The following CNTNAP5 variants were observed in gnomAD, a reference collection of about 807,000 sequenced individuals.
The protein encoded by CNTNAP5 is contactin associated protein family member 5, also known as contactin-associated protein-like 5.
A neutral mutation model predicts 150.2 loss-of-function variants in CNTNAP5; 72 were observed. The ratio of observed to expected loss-of-function variants is 0.48; its 90% CI spans 0.40 to 0.58. The LOEUF (loss-of-function observed/expected upper bound fraction) is 0.58, where lower values mean the gene tolerates loss of function less well. Among genes scored for constraint, CNTNAP5 ranks in the 20% least tolerant of loss-of-function variants. The pLI, the probability that CNTNAP5 is intolerant of heterozygous loss-of-function variation, is 0.00. For synonymous variants in CNTNAP5, 672 were observed against 619.8 expected, an observed-to-expected ratio of 1.08 and a Z score of -1.25; for missense variants, 1,636 against 1,626.2, an observed-to-expected ratio of 1.01 and a Z score of -0.10.
chr2:124,892,838 T>C (rs1678224965), intron 21 of CNTNAP5, among the ~76,000 whole-genome samples: 1 of 152,114 alleles, frequency 6.6e-6, no homozygotes, highest in African/African-American at 2.4e-5. Flanking sequence ...CCCAGAAATA[T>C]GTTTTTTCTT....
At chr2:124,098,134 G>A (rs968980968) in intron 1 of CNTNAP5, among the ~76,000 whole-genome samples, 7 of 152,190 alleles carry the variant, frequency 4.6e-5, no homozygotes, top group East Asian at 1.9e-4. Flanking sequence ...CAGTGATCAC[G>A]TAAACAGTTG....
At chr2:124,694,875 A>G (rs1679372402) in intron 13 of CNTNAP5, among the ~76,000 whole-genome samples, 1 of 152,180 alleles carries the variant, frequency 6.6e-6, no homozygotes, top group Admixed American at 6.6e-5. Flanking sequence ...ATCAGTGAGT[A>G]AGACAAAAGT....
At position 124,660,774 on chromosome 2, in the gene CNTNAP5, A is replaced by G. The variant is rs746160973; in HGVS notation, c.2077+12816A>G. 8.1e-4 allele frequency among the ~76,000 whole-genome samples: 123 copies of G among 151,812 alleles called. 3 individuals are homozygous for G. Among genetic ancestry groups the G allele is most frequent in the Non-Finnish European group, 3.2e-4 (22 of 67,946 alleles). ...AATATGAAACAGGAATAGTAAAAATACAAGACAAAAGATACAAAAATGAGC... is the reference window on the plus strand; with the variant it reads ...AATATGAAACAGGAATAGTAAAAATGCAAGACAAAAGATACAAAAATGAGC... On this transcript the variant is annotated intron_variant, in intron 13 of 23. Transcript: ENST00000682447.
chr2:124,785,083 A>T (rs563607031), intron 17 of CNTNAP5, among the ~76,000 whole-genome samples: 162 of 151,996 alleles, frequency 1.1e-3, no homozygotes, highest in Admixed American at 5.9e-3. Context: ...AAGAAAAAAA[A>T]CCCTTAAGCA....
intron 3 of CNTNAP5, among the ~76,000 whole-genome samples, chr2:124,298,230 G>T: frequency 6.6e-6 from 1 of 152,188 alleles, no homozygotes; most frequent in African/African-American, 2.4e-5. Flanking sequence ...TGTCATGGAG[G>T]TTTGTTATAC....
intron 20 of CNTNAP5, among the ~76,000 whole-genome samples, chr2:124,866,888 C>T (rs1290569168): frequency 6.6e-6 from 1 of 152,192 alleles, no homozygotes; most frequent in Non-Finnish European, 1.5e-5. Flanking sequence ...TTTGTCTTAA[C>T]TCTGAGCAGA....
intron 1 of CNTNAP5, among the ~76,000 whole-genome samples, chr2:124,182,349 T>A (rs11682281): frequency 0.23 from 34,384 of 152,056 alleles, 4,153 homozygotes; most frequent in African/African-American, 0.3. Context: ...GCTAGGTGAA[T>A]TTACAAACAG....
intron 3 of CNTNAP5, among the ~76,000 whole-genome samples, chr2:124,247,046 A>G (rs1241068423): frequency 1.3e-5 from 2 of 152,096 alleles, no homozygotes; most frequent in African/African-American, 4.8e-5. Flanking sequence ...ACAGAGGTCA[A>G]TTCAAGCAAT....
intron 11 of CNTNAP5, among the ~76,000 whole-genome samples, chr2:124,577,792 A>T (rs1696321312): frequency 6.6e-6 from 1 of 152,296 alleles, no homozygotes; most frequent in African/African-American, 2.4e-5. Context: ...CATACATGGG[A>T]TCTGCACAGA....
Position 124,789,954 on chromosome 2 carries a change from C to G in CNTNAP5, c.2805C>G (p.His935Gln), listed in dbSNP as rs1681687381. The G allele has an allele frequency of 6.2e-7, 1 of 1,613,916 alleles. No homozygotes were observed. The highest frequency in any genetic ancestry group is 8.5e-7 in the Non-Finnish European group (1 of 1,179,814). The stretch of plus-strand genomic sequence containing the variant: ...TCCTAGGATGCATTCGCTCCTTACA[C>G]TTGAATGGACAGAAAATGGACCTGG... ...KGFLGCIRSLHLNGQKMDLEE... is the reference protein window; with the variant it reads ...KGFLGCIRSLQLNGQKMDLEE... Residue 935 changes from histidine to glutamine, a missense_variant, in exon 18 of 24, where the codon CAC becomes CAG. His to Gln is a conservative substitution (Grantham distance 24). Coordinates refer to ENST00000682447, the MANE Select transcript of CNTNAP5 (RefSeq NM_001367498.1).
chr2:124,556,385 A>C (rs1458463706), intron 10 of CNTNAP5, among the ~76,000 whole-genome samples: 1 of 152,204 alleles, frequency 6.6e-6, no homozygotes, highest in Non-Finnish European at 1.5e-5. Context: ...TAAAGAAGCC[A>C]AGATCAAAAT....
chr2:124,128,166 C>T (rs1346508683), intron 1 of CNTNAP5, among the ~76,000 whole-genome samples: 2 of 152,102 alleles, frequency 1.3e-5, no homozygotes, highest in African/African-American at 4.8e-5. Context: ...ACCCATCTGA[C>T]AAAGGACTAG....
intron 18 of CNTNAP5, among the ~76,000 whole-genome samples, chr2:124,794,615 T>C (rs957154429): frequency 1.3e-5 from 2 of 152,214 alleles, no homozygotes; most frequent in African/African-American, 4.8e-5. Context: ...TTAATACTTA[T>C]ATTCATTTTA....
chr2:124,197,348 A>G (rs1558796892), intron 1 of CNTNAP5, among the ~76,000 whole-genome samples: 2 of 152,244 alleles, frequency 1.3e-5, no homozygotes, highest in Admixed American at 6.5e-5. Flanking sequence ...TAAACTTCAT[A>G]TAAATAAATT....
intron 1 of CNTNAP5, among the ~76,000 whole-genome samples, chr2:124,166,748 A>G (rs1032729408): frequency 3.3e-5 from 5 of 152,174 alleles, no homozygotes; most frequent in African/African-American, 1.2e-4. Flanking sequence ...ATTAGGCTTT[A>G]TGATTAGAAC....
At chr2:124,395,958 A>G (rs939697682) in intron 3 of CNTNAP5, among the ~76,000 whole-genome samples, 5 of 152,204 alleles carry the variant, frequency 3.3e-5, no homozygotes, top group African/African-American at 1.2e-4. Flanking sequence ...CCCAGAGTCC[A>G]TCATCAACAC....
At chr2:124,822,690 G>T (rs1407784136) in intron 19 of CNTNAP5, among the ~76,000 whole-genome samples, 1 of 152,174 alleles carries the variant, frequency 6.6e-6, no homozygotes, top group Non-Finnish European at 1.5e-5. Flanking sequence ...TTTCACTTCA[G>T]ATCTGTGATG....
intron 16 of CNTNAP5, among the ~76,000 whole-genome samples, chr2:124,765,538 C>A (rs1450799055): frequency 6.6e-6 from 1 of 151,988 alleles, no homozygotes; most frequent in Non-Finnish European, 1.5e-5. Flanking sequence ...TATTAACTTT[C>A]CCTCAGAATA....
At chr2:124,637,721 G>A (rs1474976707) in intron 12 of CNTNAP5, among the ~76,000 whole-genome samples, 1 of 152,072 alleles carries the variant, frequency 6.6e-6, no homozygotes, top group African/African-American at 2.4e-5. Context: ...ATTTATTGCT[G>A]CCATTCTGAA....
Sources: gnomAD v4.1 joint callset for allele counts (sites outside exome capture counted in the v4.1 genomes callset) on GRCh38, gnomAD v4.1.1 for gene constraint, MANE v1.5 for transcripts, NCBI Gene and HGNC (gene_info 2026-07-23, HGNC 2026-07-21) for gene names.